Variants in NPAS2 observed in about 807,000 individuals in gnomAD.
The protein encoded by NPAS2 is neuronal PAS domain protein 2, also known as neuronal PAS domain-containing protein 2.
Under a neutral mutation model 107.5 loss-of-function variants are expected in NPAS2, and 23 were observed. The observed-to-expected ratio is 0.21, with a 90% confidence interval of 0.15 to 0.30. The LOEUF is 0.30. Among genes scored for constraint, NPAS2 ranks in the 10% least tolerant of loss-of-function variants. The probability of loss-of-function intolerance (pLI) is 1.00; values close to 1 mark genes in which losing one functional copy is unlikely to be tolerated. For missense variants in NPAS2, 756 were observed against 1,043.3 expected (o/e 0.72, Z 3.79); for synonymous variants, 403 against 417.5 (o/e 0.97, Z 0.42).
chr2:100,931,091 G>A (rs1573647613), intron 3 of NPAS2, among the ~76,000 whole-genome samples: 1 of 152,254 alleles, frequency 6.6e-6, no homozygotes, highest in African/African-American at 2.4e-5. Flanking sequence ...ATGGATTCTG[G>A]CCCACGATGT....
At chr2:100,924,582 G>A (rs1364655925) in intron 2 of NPAS2, among the ~76,000 whole-genome samples, 2 of 152,220 alleles carry the variant, frequency 1.3e-5, no homozygotes, top group African/African-American at 4.8e-5. Flanking sequence ...CAGCCATGGT[G>A]CAGTACCTGT....
At chr2:100,909,850 C>T (rs1023894173) in intron 2 of NPAS2, among the ~76,000 whole-genome samples, 7 of 151,636 alleles carry the variant, frequency 4.6e-5, no homozygotes, top group Admixed American at 6.6e-5. Context: ...TGATTCTGTT[C>T]TCAAAACAAA....
intron 1 of NPAS2, among the ~76,000 whole-genome samples, chr2:100,839,775 ATTTTT>A (rs1321728903): frequency 2.0e-5 from 3 of 151,958 alleles, no homozygotes; most frequent in African/African-American, 7.3e-5. Flanking sequence ...CTTTCATTTT[ATTTTT>A]ATCAAAAATT....
intron 7 of NPAS2, among the ~76,000 whole-genome samples, chr2:100,962,450 G>A (rs1486230109): frequency 6.6e-6 from 1 of 152,162 alleles, no homozygotes; most frequent in Admixed American, 6.5e-5. Context: ...TTCAGAATGT[G>A]CAGGATATAA....
At chr2:100,881,421 C>T (rs1208045311) in intron 1 of NPAS2, among the ~76,000 whole-genome samples, 3 of 152,252 alleles carry the variant, frequency 2.0e-5, no homozygotes, top group Non-Finnish European at 2.9e-5. Flanking sequence ...CATGGGGGCT[C>T]ACCCCTGTGC....
chr2:100,899,721 A>G (rs1681653430), intron 1 of NPAS2, among the ~76,000 whole-genome samples: 1 of 152,262 alleles, frequency 6.6e-6, no homozygotes, highest in Non-Finnish European at 1.5e-5. Flanking sequence ...CACCCCACAG[A>G]CATCCTGATT....
chr2:100,966,052 A>AT (rs34848307), intron 10 of NPAS2, among the ~76,000 whole-genome samples: 72 of 148,548 alleles, frequency 4.8e-4, no homozygotes, highest in Non-Finnish European at 7.8e-4. Flanking sequence ...TGATGCAGGG[A>AT]TTTTTTTTTT....
chr2:100,903,489 G>A lies in NPAS2; in HGVS notation c.-22-1244G>A, dbSNP rs531663352. Among the ~76,000 whole-genome samples, 121 of 152,298 alleles carry A rather than the reference G, an allele frequency of 7.9e-4. 3 individuals carry two copies. Among genetic ancestry groups the A allele is most frequent in the South Asian group, 1.5e-3 (7 of 4,824 alleles). ...TTGGCTCAGACCCATGTTTGTGTACGTAGGTGACCAAAATCACAAAACTAA... is the reference window on the plus strand; with the variant it reads ...TTGGCTCAGACCCATGTTTGTGTACATAGGTGACCAAAATCACAAAACTAA... On this transcript the variant is annotated intron_variant, in intron 1 of 20. Transcript: ENST00000335681.
intron 3 of NPAS2, among the ~76,000 whole-genome samples, chr2:100,931,779 C>T (rs1160972565): frequency 1.3e-5 from 2 of 152,080 alleles, no homozygotes; most frequent in Admixed American, 6.6e-5. Flanking sequence ...CCACCGCGCC[C>T]GGCCATAACT....
Position 100,825,125 on chromosome 2 carries a change from C to T in NPAS2, c.-23+4711C>T, listed in dbSNP as rs575360093. On this transcript the variant is annotated intron_variant, in intron 1 of 20. Transcript: ENST00000335681. ...AGACCACTGAAAATCATCCAGGCTT[C>T]CAGAAAACACAGGCCCATCTAAAGA... is the stretch of plus-strand genomic sequence containing the variant. Among the ~76,000 whole-genome samples the T allele has an allele frequency of 3.9e-5, 6 of 152,298 alleles. No homozygotes were observed. In the East Asian group the frequency reaches 9.7e-4, roughly 25 times the overall value.
chr2:100,852,204 G>A (rs940761169), intron 1 of NPAS2, among the ~76,000 whole-genome samples: 47 of 152,128 alleles, frequency 3.1e-4, no homozygotes, highest in Non-Finnish European at 4.9e-4. Flanking sequence ...AGACCATCCT[G>A]GCTAACACGG....
intron 7 of NPAS2, among the ~76,000 whole-genome samples, chr2:100,955,357 A>T (rs966054129): frequency 1.3e-5 from 2 of 152,178 alleles, no homozygotes; most frequent in African/African-American, 4.8e-5. Context: ...TGGGCCTAGC[A>T]TGGTCCTTAC....
chr2:100,953,062 A>C lies in NPAS2; in HGVS notation c.598+3582A>C, dbSNP rs1465606602. 6.8e-4 allele frequency among the ~76,000 whole-genome samples: 91 copies of C among 134,158 alleles called. 4 individuals are homozygous for C. The highest frequency in any genetic ancestry group is 3.5e-3 in the Middle Eastern group (1 of 288). 88.0% of individuals were successfully genotyped at this position (134,158 alleles called of 152,430 possible). A position where few individuals can be genotyped will look rare whatever the true frequency, so the allele number is the denominator to read the frequency against. On this transcript the variant is annotated intron_variant, in intron 7 of 20. Coordinates refer to ENST00000335681, the MANE Select transcript of NPAS2 (RefSeq NM_002518.4). ...ATTAAAATAGCAAAAATTGTCAGAG[A>C]CAAATGAATTTCTCAGGTTAAACCC...
upstream of NPAS2, among the ~76,000 whole-genome samples, chr2:100,819,798 C>G (rs200226624): frequency 6.8e-6 from 1 of 147,872 alleles, no homozygotes; most frequent in Non-Finnish European, 1.5e-5. This position sits in a 1 kb window ranked among gnomAD's most constrained non-coding sequence, Gnocchi z 5.8. Flanking sequence ...ACAACCCCCC[C>G]CTCCCCCAGC....
intron 1 of NPAS2, among the ~76,000 whole-genome samples, chr2:100,843,248 C>G (rs1269828133): frequency 1.3e-5 from 2 of 151,986 alleles, no homozygotes; most frequent in Non-Finnish European, 2.9e-5. Flanking sequence ...CATCTGTTCC[C>G]TGGTGTCCCC....
In NPAS2 at chr2:100,995,473, G is replaced by T. The variant is rs753444490; in HGVS notation, c.2366G>T (p.Gly789Val). The change falls in exon 21 of 21, where the codon GGG becomes GTG. Residue 789 changes from glycine to valine, a missense_variant. By Grantham distance (109) the Gly-to-Val change is moderately radical. Around this residue, in one of 4 missense-constraint regions of NPAS2, gnomAD observed 496 missense variants for 594.4 expected, o/e 0.83. Transcript: ENST00000335681. ...CTCTCCACCTACTCACAACAGCCAG[G>T]GACCCTGGGCTACCCCCAACCACCC... ...LLLSTYSQQP[G>V]TLGYPQPPPA... The T allele has an allele frequency of 6.8e-6, 11 of 1,613,870 alleles. No individual in the cohort carries two copies. The Middle Eastern group carries it at 4.9e-4, about 72-fold the overall frequency.
intron 15 of NPAS2, among the ~76,000 whole-genome samples, chr2:100,981,629 T>C (rs62152925): frequency 0.33 from 50,484 of 151,932 alleles, 9,126 homozygotes; most frequent in East Asian, 0.76. Flanking sequence ...ACTGGGTGAT[T>C]GTTTTGTTCG....
intron 1 of NPAS2, among the ~76,000 whole-genome samples, chr2:100,827,595 G>A (rs975174365): frequency 1.3e-5 from 2 of 152,096 alleles, no homozygotes; most frequent in African/African-American, 2.4e-5. Flanking sequence ...ATGTCCACAA[G>A]TACCCAATGT....
At chr2:100,952,568 AAAAAAAC>A (rs1439038747) in intron 7 of NPAS2, among the ~76,000 whole-genome samples, 2 of 151,848 alleles carry the variant, frequency 1.3e-5, no homozygotes, top group African/African-American at 4.8e-5. Flanking sequence ...CTGTCTCAAA[AAAAAAAC>A]AAAAAAACAA....
Sources: allele counts gnomAD v4.1 joint callset (sites outside exome capture counted in the v4.1 genomes callset), GRCh38; gene constraint gnomAD v4.1.1; regional missense constraint gnomAD v4.1.1; non-coding constraint Gnocchi (gnomAD v3.1); transcripts MANE v1.5; gene names NCBI Gene and HGNC (gene_info 2026-07-23, HGNC 2026-07-21).